The following TRIM3 variants were observed in gnomAD, a reference collection of about 807,000 sequenced individuals.
TRIM3 encodes the protein tripartite motif-containing protein 3.
In TRIM3, 13 loss-of-function variants were observed where a neutral mutation model predicts 66.6. That is an observed-to-expected ratio of 0.20 (90% CI 0.13 to 0.31). The LOEUF (loss-of-function observed/expected upper bound fraction) is 0.31, where lower values mean the gene tolerates loss of function less well. Ranked by LOEUF, TRIM3 falls within the 10% of genes least tolerant of loss-of-function variation. The pLI is 1.00. For synonymous variants in TRIM3, 406 were observed against 411.7 expected (o/e 0.99, Z 0.17); for missense variants, 711 against 1,020.4 (o/e 0.70, Z 4.13).
intron 7 of TRIM3, chr11:6,451,735 G>A: frequency 5.3e-6 from 2 of 377,834 alleles, no homozygotes; most frequent in East Asian, 1.1e-4. Flanking sequence ...ATTCGGCCAG[G>A]AAAGGAAGAG....
intron 1 of TRIM3, among the ~76,000 whole-genome samples, chr11:6,469,169 G>A (rs772578878): frequency 7.1e-4 from 108 of 152,308 alleles, no homozygotes; most frequent in Non-Finnish European, 1.2e-3. Flanking sequence ...GAAGGGAAAG[G>A]CTGGGAGGAA....
intron 1 of TRIM3, among the ~76,000 whole-genome samples, chr11:6,473,543 C>T (rs1413420082): frequency 1.3e-5 from 2 of 152,102 alleles, no homozygotes; most frequent in Non-Finnish European, 2.9e-5. Flanking sequence ...AGCTCCCAAA[C>T]CCCGCGCTCC....
chr11:6,465,710 G>T lies in TRIM3; in HGVS notation c.-15C>A, dbSNP rs779965761. The T allele has an allele frequency of 6.2e-6, 10 of 1,604,318 alleles. No individual in the cohort carries two copies. In the East Asian group the frequency reaches 2.0e-4, roughly 32 times the overall value. ...CTCTTTGCCATGGCGCCCACAGATGGCTCCCGCCACTCACACCAGCCTCTG... is the reference window on the plus strand; with the variant it reads ...CTCTTTGCCATGGCGCCCACAGATGTCTCCCGCCACTCACACCAGCCTCTG... On this transcript the variant is annotated 5_prime_UTR_variant, in exon 2 of 12. Transcript: ENST00000345851.
chr11:6,461,484 C>T (rs1451348056), intron 2 of TRIM3, among the ~76,000 whole-genome samples: 6 of 147,282 alleles, frequency 4.1e-5, no homozygotes, highest in African/African-American at 5.1e-5. Flanking sequence ...TTACCCCCCG[C>T]ACCACTCTGC....
rs1378720534 is a variant in TRIM3, at chr11:6,450,952, G to A, written c.1810C>T (p.Pro604Ser). ...NKSCCVFTFQ[P>S]NGKLVGRFGG... is the part of the protein sequence containing the mutation. ...AAACGGCCAACCAGTTTGCCATTGG[G>A]CTGGAAGGTAAAGACGCAGCAAGAC... Residue 604 changes from proline (P) to serine (S), a missense_variant, in exon 9 of 12, where the codon CCC becomes TCC. Transcript: ENST00000345851. The surrounding 1 kb of genome is among the most constrained non-coding windows in gnomAD (Gnocchi z 4.8). The A allele has an allele frequency of 1.2e-6, 2 of 1,614,212 alleles. No homozygotes were observed. The highest frequency in any genetic ancestry group is 1.6e-4 in the Middle Eastern group (1 of 6,062).
Position 6,450,402 on chromosome 11 carries a change from G to T in TRIM3, c.1941+149C>A. 1 of 693,726 alleles carries T rather than the reference G, an allele frequency of 1.4e-6. No homozygotes were observed. The allele number at this position is 693,726 out of a possible 1,614,324, so 43.0% of individuals were successfully genotyped here. A position where few individuals can be genotyped will look rare whatever the true frequency, so the allele number is the denominator to read the frequency against. ...TCTCCAGCTTCTAGCATACTGCCTG[G>T]GACAAAGCAGCCATGCATAAATGTG... On this transcript the variant is annotated intron_variant, in intron 10 of 11. Transcript: ENST00000345851. This position sits in a 1 kb window ranked among gnomAD's most constrained non-coding sequence, Gnocchi z 4.8.
Position 6,457,045 on chromosome 11 carries a change from G to A in TRIM3, c.697-16C>T. On this transcript the variant is annotated splice_polypyrimidine_tract_variant and intron_variant, in intron 5 of 11. Coordinates refer to ENST00000345851, the MANE Select transcript of TRIM3 (RefSeq NM_033278.4). This position sits in a 1 kb window ranked among gnomAD's most constrained non-coding sequence, Gnocchi z 4.5. ...TTTGCAACACCTGATGAGGGGTAGG[G>A]GAGGAGTGGGTGAGCAGACTGGCAC... 6.3e-7 allele frequency: 1 copy of A among 1,576,674 alleles called. No individual in the cohort carries two copies. The highest frequency in any genetic ancestry group is 8.6e-7 in the Non-Finnish European group (1 of 1,161,658).
At chr11:6,473,321 A>G (rs923043718) in intron 1 of TRIM3, 2 of 125,294 alleles carry the variant, frequency 1.6e-5, no homozygotes, top group Non-Finnish European at 3.2e-5. Flanking sequence ...GGTGTCCTCC[A>G]TCCTGACTGG....
Position 6,460,034 on chromosome 11 carries a change from A to G in TRIM3, c.132-1738T>C, listed in dbSNP as rs746661369. On this transcript the variant is annotated intron_variant, in intron 2 of 11. Transcript: ENST00000345851. Reference sequence around the variant, plus strand: ...ATCAGACAAGAAAGCATAGACAGTGATAAGAGAGAGGGACAGAGCACTTAG... The same window carrying G: ...ATCAGACAAGAAAGCATAGACAGTGGTAAGAGAGAGGGACAGAGCACTTAG... Among the ~76,000 whole-genome samples, 33 of 152,344 alleles carry G rather than the reference A, an allele frequency of 2.2e-4. 1 individual carries two copies. The highest frequency in any genetic ancestry group is 1.6e-3 in the Admixed American group (24 of 15,306).
chr11:6,461,664 T>G (rs899476094), intron 2 of TRIM3, among the ~76,000 whole-genome samples: 3 of 152,264 alleles, frequency 2.0e-5, no homozygotes, highest in Non-Finnish European at 4.4e-5. Context: ...GCAGCTTTCT[T>G]CCAAGCTCAC....
chr11:6,471,369 G>A (rs1230080663), intron 1 of TRIM3, among the ~76,000 whole-genome samples: 1 of 152,250 alleles, frequency 6.6e-6, no homozygotes, highest in Non-Finnish European at 1.5e-5. Flanking sequence ...AATGACTGCA[G>A]GTTACAGTCT....
Position 6,456,409 on chromosome 11 carries a change from G to T in TRIM3, c.1317C>A (p.Gly439=). 1 of 1,530,884 alleles carries T rather than the reference G, an allele frequency of 6.5e-7. No individual in the cohort carries two copies. Among genetic ancestry groups the T allele is most frequent in the Non-Finnish European group, 8.8e-7 (1 of 1,136,636 alleles). The allele number at this position is 1,530,884 out of a possible 1,614,324, so 94.8% of individuals were successfully genotyped here. The change falls in exon 6 of 12, where the codon GGC becomes GGA. Residue 439 remains glycine, a synonymous_variant. Coordinates refer to ENST00000345851, the MANE Select transcript of TRIM3 (RefSeq NM_033278.4). The surrounding 1 kb of genome is among the most constrained non-coding windows in gnomAD (Gnocchi z 6.4). ...DDVKRRVKSP[G]GPGSHVRQKA... is the part of the protein sequence containing the mutation. ...TCTGGCGCACATGGCTGCCGGGGCC[G>T]CCAGGGGACTTGACACGGCGCTTCA...
At chr11:6,468,874 A>ATGAG (rs1354222091) in intron 1 of TRIM3, among the ~76,000 whole-genome samples, 1 of 152,144 alleles carries the variant, frequency 6.6e-6, no homozygotes, top group African/African-American at 2.4e-5. Flanking sequence ...GAATGAATGA[A>ATGAG]TGAATGAATG....
chr11:6,457,380 C>A lies in TRIM3; in HGVS notation c.612G>T (p.Ala204=). The change falls in exon 5 of 12, where the codon GCG becomes GCT. Residue 204 remains alanine (A), a synonymous_variant. Transcript: ENST00000345851. The surrounding 1 kb of genome is among the most constrained non-coding windows in gnomAD (Gnocchi z 4.5). ...GCAGTGCTTGCTCCAGGTCCTCGAA[C>A]GCTGCACTGATCTGGGCCAGGGCCT... The part of the protein sequence containing the change: ...KAEALAQISA[A]FEDLEQALQQ... 1.2e-6 allele frequency: 2 copies of A among 1,613,910 alleles called. No individual in the cohort carries two copies. Among genetic ancestry groups the A allele is most frequent in the Non-Finnish European group, 1.7e-6 (2 of 1,179,850 alleles).
At position 6,456,733 on chromosome 11, in the gene TRIM3, G is replaced by A. The variant is rs762567513; in HGVS notation, c.993C>T (p.Gly331=). The A allele has an allele frequency of 1.2e-6, 2 of 1,610,110 alleles. No homozygotes were observed. Among genetic ancestry groups the A allele is most frequent in the South Asian group, 1.1e-5 (1 of 91,060 alleles). ...GCTGGCCCACTAGCGCCTGGCGCAGGCCCTCTCCCGTGGCCACCGTTTCGT... is the reference window on the plus strand; with the variant it reads ...GCTGGCCCACTAGCGCCTGGCGCAGACCCTCTCCCGTGGCCACCGTTTCGT... ...TAHETVATGE[G]LRQALVGQPA... The change falls in exon 6 of 12, where the codon GGC becomes GGT. Residue 331 remains glycine, a synonymous_variant. Coordinates refer to ENST00000345851, the MANE Select transcript of TRIM3 (RefSeq NM_033278.4). This position sits in a 1 kb window ranked among gnomAD's most constrained non-coding sequence, Gnocchi z 6.4.
chr11:6,466,392 T>C (rs547655203), intron 1 of TRIM3, among the ~76,000 whole-genome samples: 1 of 152,258 alleles, frequency 6.6e-6, no homozygotes, highest in Non-Finnish European at 1.5e-5. Context: ...GTCTCCTCAC[T>C]GACACCTTTT....
At chr11:6,455,148 C>T (rs1164772723) in intron 7 of TRIM3, among the ~76,000 whole-genome samples, 1 of 152,106 alleles carries the variant, frequency 6.6e-6, no homozygotes, top group African/African-American at 2.4e-5. Flanking sequence ...TTACAGCCTC[C>T]ACCTGGACGA....
Position 6,457,970 on chromosome 11 carries a change from C to T in TRIM3, c.363+95G>A. On this transcript the variant is annotated intron_variant, in intron 3 of 11. Transcript: ENST00000345851. The surrounding 1 kb of genome is among the most constrained non-coding windows in gnomAD (Gnocchi z 4.5). ...CCCTACCTGGACCACTAATCCAGAG[C>T]AGTACCCTGTCACCCAGCCACTCGG... The T allele has an allele frequency of 1.3e-6, 2 of 1,536,802 alleles. No individual in the cohort carries two copies. The highest frequency in any genetic ancestry group is 1.8e-6 in the Non-Finnish European group (2 of 1,133,746).
intron 7 of TRIM3, among the ~76,000 whole-genome samples, chr11:6,454,386 C>CA (rs10665333): frequency 0.062 from 8,071 of 129,212 alleles, 343 homozygotes; most frequent in Non-Finnish European, 0.078. Flanking sequence ...GACCCTGTCT[C>CA]AAAAAAAAAA....
Sources: allele counts gnomAD v4.1 joint callset (sites outside exome capture counted in the v4.1 genomes callset), GRCh38; gene constraint gnomAD v4.1.1; non-coding constraint Gnocchi (gnomAD v3.1); transcripts MANE v1.5; gene names NCBI Gene and HGNC (gene_info 2026-07-23, HGNC 2026-07-21).